The following NLGN1 variants were observed in gnomAD, a reference collection of about 807,000 sequenced individuals.
NLGN1 encodes neuroligin-1.
Under a neutral mutation model 65.5 loss-of-function variants are expected in NLGN1, and 12 were observed. That is an observed-to-expected ratio of 0.18 (90% CI 0.12 to 0.30). The LOEUF (loss-of-function observed/expected upper bound fraction) is 0.30. Among genes scored for constraint, NLGN1 ranks in the 10% least tolerant of loss-of-function variants. The pLI is 1.00. For synonymous variants in NLGN1, 350 were observed against 359.5 expected (o/e 0.97, Z 0.30); for missense variants, 750 against 1,007.1 (o/e 0.74, Z 3.46).
chr3:174,272,061 A>G (rs1452726903), intron 4 of NLGN1, among the ~76,000 whole-genome samples: 2 of 151,728 alleles, frequency 1.3e-5, no homozygotes, highest in South Asian at 2.1e-4. Context: ...AATAATAATT[A>G]GTCACACATC....
chr3:173,521,118 C>A (rs76299954), intron 2 of NLGN1, among the ~76,000 whole-genome samples: 7,889 of 151,846 alleles, frequency 0.052, 253 homozygotes, highest in Middle Eastern at 0.17. Flanking sequence ...GTATAAGATG[C>A]AAGAAATAAT....
At chr3:173,940,678 C>G (rs1481835521) in intron 4 of NLGN1, among the ~76,000 whole-genome samples, 1 of 152,074 alleles carries the variant, frequency 6.6e-6, no homozygotes, top group African/African-American at 2.4e-5. Context: ...TATCAAAAAT[C>G]CTTTGAGATC....
In NLGN1 at chr3:174,139,998, T is replaced by C. The variant is rs79844436; in HGVS notation, c.647-135317T>C. ...CTTTGTATATTTTAGATAACAGTTA[T>C]TTATCAGATGTGTCATTTGCAAATA... On this transcript the variant is annotated intron_variant, in intron 4 of 6. Coordinates refer to ENST00000457714, the Ensembl canonical transcript of NLGN1. 6.9e-3 allele frequency among the ~76,000 whole-genome samples: 1,046 copies of C among 152,310 alleles called. 12 individuals carry two copies. Among genetic ancestry groups the C allele is most frequent in the African/African-American group, 0.024 (985 of 41,564 alleles).
intron 4 of NLGN1, among the ~76,000 whole-genome samples, chr3:173,888,434 T>C (rs1734752197): frequency 6.6e-6 from 1 of 152,078 alleles, no homozygotes; most frequent in Admixed American, 6.6e-5. Context: ...AAAATATTTT[T>C]ATTGTTTTAT....
At chr3:173,590,938 A>G (rs1380534651) in intron 2 of NLGN1, among the ~76,000 whole-genome samples, 2 of 152,172 alleles carry the variant, frequency 1.3e-5, no homozygotes, top group Non-Finnish European at 2.9e-5. Context: ...CTGAAGGTAC[A>G]TTAGAGCTAT....
intron 2 of NLGN1, among the ~76,000 whole-genome samples, chr3:173,491,821 C>T (rs181283466): frequency 6.6e-5 from 10 of 151,846 alleles, no homozygotes; most frequent in African/African-American, 2.4e-4. Flanking sequence ...ATTTAGCTCC[C>T]TATAGAATCA....
chr3:173,998,603 C>G (rs991586546), intron 4 of NLGN1, among the ~76,000 whole-genome samples: 3 of 152,198 alleles, frequency 2.0e-5, no homozygotes, highest in African/African-American at 7.2e-5. Flanking sequence ...TCAGTTGTTT[C>G]AGTCTTCAAA....
chr3:173,808,303 A>C (rs576584176), intron 4 of NLGN1, among the ~76,000 whole-genome samples: 17 of 152,126 alleles, frequency 1.1e-4, no homozygotes, highest in Non-Finnish European at 1.9e-4. Context: ...TTCCATAATA[A>C]TTAGTAATAT....
intron 1 of NLGN1, among the ~76,000 whole-genome samples, chr3:173,422,701 G>A (rs1361139491): frequency 6.6e-6 from 1 of 151,880 alleles, no homozygotes; most frequent in African/African-American, 2.4e-5. Flanking sequence ...GTTTTGATTT[G>A]TATTTCTCTG....
At chr3:174,215,497 T>G (rs1737424235) in intron 4 of NLGN1, among the ~76,000 whole-genome samples, 2 of 152,210 alleles carry the variant, frequency 1.3e-5, no homozygotes, top group South Asian at 4.1e-4. Context: ...TAGGGACTAT[T>G]TGCATATTAG....
At chr3:173,477,605 A>T (rs994044651) in intron 2 of NLGN1, among the ~76,000 whole-genome samples, 2 of 152,196 alleles carry the variant, frequency 1.3e-5, no homozygotes, top group African/African-American at 4.8e-5. Flanking sequence ...ACAAGCACAG[A>T]AAGGGTAGAA....
At chr3:173,545,931 C>T (rs1186024847) in intron 2 of NLGN1, among the ~76,000 whole-genome samples, 2 of 151,838 alleles carry the variant, frequency 1.3e-5, no homozygotes, top group East Asian at 3.9e-4. Flanking sequence ...ACATCACACA[C>T]TGGGGCCTGT....
At chr3:174,264,552 C>CT (rs1177179376) in intron 4 of NLGN1, among the ~76,000 whole-genome samples, 2 of 149,700 alleles carry the variant, frequency 1.3e-5, no homozygotes, top group Non-Finnish European at 3.0e-5. Context: ...TTAAGCACTT[C>CT]TCTGTATTGG....
intron 4 of NLGN1, among the ~76,000 whole-genome samples, chr3:174,224,469 C>T (rs1000689131): frequency 5.3e-5 from 8 of 152,134 alleles, no homozygotes; most frequent in East Asian, 1.9e-4. Context: ...GAGGCCGAGG[C>T]GGGTAGATCA....
At chr3:173,691,945 T>C (rs1577974425) in intron 3 of NLGN1, among the ~76,000 whole-genome samples, 1 of 152,074 alleles carries the variant, frequency 6.6e-6, no homozygotes, top group East Asian at 1.9e-4. Context: ...AGCTAAAAAT[T>C]GACTGCACAA....
intron 4 of NLGN1, among the ~76,000 whole-genome samples, chr3:174,208,408 G>A (rs137946072): frequency 1.6e-4 from 24 of 152,278 alleles, no homozygotes; most frequent in Non-Finnish European, 3.4e-4. Context: ...TCAAATGGCA[G>A]GTGAAGGTAG....
chr3:174,016,099 T>C (rs545214325), intron 4 of NLGN1, among the ~76,000 whole-genome samples: 1 of 152,198 alleles, frequency 6.6e-6, no homozygotes, highest in South Asian at 2.1e-4. Flanking sequence ...ATAATGTGAC[T>C]CACAAAAATG....
At chr3:173,961,254 A>G (rs1713488912) in intron 4 of NLGN1, among the ~76,000 whole-genome samples, 1 of 151,904 alleles carries the variant, frequency 6.6e-6, no homozygotes, top group East Asian at 1.9e-4. Context: ...TCTTAGACCT[A>G]TTGGCTCTGT....
At chr3:174,193,799 T>C (rs1353322781) in intron 4 of NLGN1, among the ~76,000 whole-genome samples, 5 of 152,234 alleles carry the variant, frequency 3.3e-5, no homozygotes, top group African/African-American at 4.8e-5. Flanking sequence ...TTTTTAAGGC[T>C]TGGTTTAAAA....
Sources: allele counts gnomAD v4.1 joint callset (sites outside exome capture counted in the v4.1 genomes callset), GRCh38; gene constraint gnomAD v4.1.1; transcripts MANE v1.5; gene names NCBI Gene and HGNC (gene_info 2026-07-23, HGNC 2026-07-21).